EMCN: variants seen among roughly 807,000 people sequenced by gnomAD.
EMCN encodes the protein MUC-14.
EMCN carries 37 observed loss-of-function variants against 38.4 expected under a neutral mutation model. The observed-to-expected ratio is 0.96, with a 90% CI of 0.74 to 1.27. The LOEUF is 1.27. EMCN is among the 50% of genes most tolerant of loss of function. The pLI, the probability that EMCN is intolerant of heterozygous loss-of-function variation, is 0.00. For synonymous variants in EMCN, 95 were observed against 100.8 expected (o/e 0.94, Z 0.35); for missense variants, 318 against 302.8 (o/e 1.05, Z -0.37).
chr4:100,426,959 C>T (rs931645897), intron 5 of EMCN, among the ~76,000 whole-genome samples: 1 of 152,100 alleles, frequency 6.6e-6, no homozygotes. Flanking sequence ...GAAATTACTA[C>T]AATGCTATCC....
chr4:100,480,098 A>G, intron 1 of EMCN, 59 bp from the exon 2 acceptor site: 1 of 1,475,212 alleles, frequency 6.8e-7, no homozygotes, highest in African/African-American at 1.4e-5. Context: ...TTAATAGACT[A>G]GTATATTTAA....
At chr4:100,468,880 GA>G (rs1053471495) in intron 3 of EMCN, among the ~76,000 whole-genome samples, 10 of 149,446 alleles carry the variant, frequency 6.7e-5, no homozygotes, top group Non-Finnish European at 1.0e-4. Flanking sequence ...TACAGAAATA[GA>G]AAAAAAAATT....
chr4:100,509,134 A>C (rs1729560276), intron 1 of EMCN, among the ~76,000 whole-genome samples: 1 of 152,242 alleles, frequency 6.6e-6, no homozygotes, highest in Non-Finnish European at 1.5e-5. Context: ...GGAAACACAC[A>C]CAAAAATAGT....
At chr4:100,433,416 T>C (rs747488965) in intron 5 of EMCN, among the ~76,000 whole-genome samples, 12 of 152,222 alleles carry the variant, frequency 7.9e-5, no homozygotes, top group Non-Finnish European at 1.6e-4. Flanking sequence ...GGAGTCCACA[T>C]ATCCTTATGT....
chr4:100,492,730 T>C (rs1272672430), intron 1 of EMCN, among the ~76,000 whole-genome samples: 1 of 152,202 alleles, frequency 6.6e-6, no homozygotes, highest in East Asian at 1.9e-4. Flanking sequence ...AATATTATTC[T>C]TTAATATATA....
At chr4:100,451,914 C>A (rs1004492261) in intron 4 of EMCN, among the ~76,000 whole-genome samples, 2 of 151,874 alleles carry the variant, frequency 1.3e-5, no homozygotes, top group Admixed American at 1.3e-4. Context: ...AAAGTATAAT[C>A]CTATTTTAAT....
At chr4:100,497,962 T>C (rs182036676) in intron 1 of EMCN, among the ~76,000 whole-genome samples, 38 of 152,312 alleles carry the variant, frequency 2.5e-4, no homozygotes, top group South Asian at 8.3e-4. Context: ...TATTTTCAAA[T>C]GGTACTAGAG....
At chr4:100,479,011 A>G (rs769332073) in intron 2 of EMCN, among the ~76,000 whole-genome samples, 1 of 152,174 alleles carries the variant, frequency 6.6e-6, no homozygotes, top group Non-Finnish European at 1.5e-5. Flanking sequence ...AACAATGCAG[A>G]AATAATGGAC....
In EMCN at chr4:100,517,805, A is replaced by C. The variant is rs192780885; in HGVS notation, c.64+46T>G. 2.6e-4 allele frequency: 402 copies of C among 1,571,004 alleles called. 1 individual carries two copies. In the African/African-American group the frequency reaches 4.7e-3, roughly 18 times the overall value. On this transcript the variant is annotated intron_variant, in intron 1 of 11. Transcript: ENST00000296420. The stretch of plus-strand genomic sequence containing the variant: ...GTAAACTGAGGCTGAGTCACCTACT[A>C]GTGATTTCCAATCCGTACCACCAGA...
intron 4 of EMCN, among the ~76,000 whole-genome samples, chr4:100,450,453 T>C (rs1250193482): frequency 2.0e-5 from 3 of 152,014 alleles, no homozygotes; most frequent in Non-Finnish European, 4.4e-5. Flanking sequence ...TTGCAGGATA[T>C]TTTGAACTAA....
chr4:100,515,618 A>C (rs1729734971), intron 1 of EMCN, among the ~76,000 whole-genome samples: 1 of 152,124 alleles, frequency 6.6e-6, no homozygotes, highest in Admixed American at 6.6e-5. Context: ...GCAAAAGAGC[A>C]TGGATCTGCT....
intron 10 of EMCN, among the ~76,000 whole-genome samples, chr4:100,414,807 A>G (rs1417129998): frequency 6.6e-6 from 1 of 152,228 alleles, no homozygotes; most frequent in Admixed American, 6.5e-5. Flanking sequence ...GCCACCAGAA[A>G]TATTTATAAT....
intron 1 of EMCN, among the ~76,000 whole-genome samples, chr4:100,486,463 C>A (rs914495651): frequency 6.6e-6 from 1 of 152,200 alleles, no homozygotes; most frequent in Non-Finnish European, 1.5e-5. Context: ...ATTTAAAGTA[C>A]ATTTTCAATT....
At chr4:100,486,794 C>T (rs1386545211) in intron 1 of EMCN, 14 of 926,286 alleles carry the variant, frequency 1.5e-5, no homozygotes, top group Non-Finnish European at 1.8e-5. Flanking sequence ...CAAAATGGAC[C>T]CAAGAACCTG....
In EMCN at chr4:100,506,086, CTA is replaced by C. The variant is rs1451639238; in HGVS notation, c.64+11763_64+11764del. 5.3e-5 allele frequency among the ~76,000 whole-genome samples: 8 copies of C among 152,148 alleles called. 1 individual carries two copies. The South Asian group carries it at 8.3e-4, about 16-fold the overall frequency. On this transcript the variant is annotated intron_variant, in intron 1 of 11. Coordinates refer to ENST00000296420, the MANE Select transcript of EMCN (RefSeq NM_016242.4). ...AACTACATTTTATGATTTGTGGTTT[CTA>C]TGTTTTTTAAATCATTTTCTAAGTT... is the stretch of plus-strand genomic sequence containing the variant.
intron 1 of EMCN, among the ~76,000 whole-genome samples, chr4:100,480,493 C>T (rs2110281446): frequency 6.6e-6 from 1 of 150,788 alleles, no homozygotes; most frequent in South Asian, 2.1e-4. Flanking sequence ...TAAATGTGTA[C>T]TATATAAAGT....
chr4:100,517,277 A>G (rs994368448), intron 1 of EMCN, among the ~76,000 whole-genome samples: 1 of 152,040 alleles, frequency 6.6e-6, no homozygotes, highest in African/African-American at 2.4e-5. Flanking sequence ...GTATATGTTT[A>G]GATATGTGCA....
chr4:100,499,534 G>T (rs1424970898), intron 1 of EMCN, among the ~76,000 whole-genome samples: 1 of 152,160 alleles, frequency 6.6e-6, no homozygotes, highest in Non-Finnish European at 1.5e-5. Context: ...TCAAACTTAA[G>T]TGAATTAAAG....
chr4:100,464,032 G>A (rs1045628015), intron 4 of EMCN, among the ~76,000 whole-genome samples: 1 of 151,536 alleles, frequency 6.6e-6, no homozygotes, highest in Non-Finnish European at 1.5e-5. Context: ...AAATATTGAG[G>A]TTTCTAATCT....
Sources: gnomAD v4.1 joint callset for allele counts (sites outside exome capture counted in the v4.1 genomes callset) on GRCh38, gnomAD v4.1.1 for gene constraint, MANE v1.5 for transcripts, NCBI Gene and HGNC (gene_info 2026-07-23, HGNC 2026-07-21) for gene names.